Variants in LAMC3 observed in about 807,000 individuals in gnomAD.
The protein encoded by LAMC3 is laminin subunit gamma-3.
In LAMC3, 128 loss-of-function variants were observed where a neutral mutation model predicts 173.8. The observed-to-expected ratio is 0.74, with a 90% CI of 0.64 to 0.85. LAMC3 has a LOEUF of 0.85. Among genes scored for constraint, LAMC3 ranks in the 40% least tolerant of loss-of-function variants. The probability of loss-of-function intolerance (pLI) is 0.00; values close to 1 mark genes in which losing one functional copy is unlikely to be tolerated. For missense variants in LAMC3, 2,022 were observed against 2,156.0 expected (o/e 0.94, Z 1.23); for synonymous variants, 897 against 909.1 (o/e 0.99, Z 0.24).
chr9:131,032,623 T>A (rs1486743700), intron 3 of LAMC3, among the ~76,000 whole-genome samples: 4 of 146,116 alleles, frequency 2.7e-5, no homozygotes, highest in African/African-American at 8.0e-5. Context: ...TCTCTCTCTC[T>A]CACTCTCTCT....
intron 3 of LAMC3, among the ~76,000 whole-genome samples, chr9:131,034,397 T>G (rs1833903566): frequency 6.6e-6 from 1 of 152,224 alleles, no homozygotes; most frequent in African/African-American, 2.4e-5. Flanking sequence ...CCGTGCTACG[T>G]GCCCTACCAC....
chr9:131,082,216 C>T, intron 24 of LAMC3, 55 bp downstream of exon 24: 17 of 1,308,352 alleles, frequency 1.3e-5, no homozygotes, highest in Non-Finnish European at 1.7e-5. Flanking sequence ...CCCTGACAGC[C>T]ACTCACCTCT....
intron 9 of LAMC3, among the ~76,000 whole-genome samples, chr9:131,051,407 A>C (rs1588152082): frequency 7.6e-6 from 1 of 131,294 alleles, no homozygotes; most frequent in Non-Finnish European, 1.5e-5. Flanking sequence ...CTCTGTTGCC[A>C]AGGCTGGAGT....
At position 131,091,839 on chromosome 9, in the gene LAMC3, C is replaced by T. The variant is rs368612523; in HGVS notation, c.*52C>T. 2.6e-5 allele frequency: 42 copies of T among 1,602,100 alleles called. No homozygotes were observed. In the African/African-American group the frequency reaches 4.1e-4, roughly 16 times the overall value. On this transcript the variant is annotated 3_prime_UTR_variant, in exon 28 of 28. Coordinates refer to ENST00000361069, the MANE Select transcript of LAMC3 (RefSeq NM_006059.4). ...TCCCCCACCTGCTGTTTACATGACC[C>T]AGGGGGTGCACACTACCCCACAGGT...
chr9:131,029,975 C>T lies in LAMC3; in HGVS notation c.679-2070C>T, dbSNP rs996461402. On this transcript the variant is annotated intron_variant, in intron 2 of 27. Coordinates refer to ENST00000361069, the MANE Select transcript of LAMC3 (RefSeq NM_006059.4). This position sits in a 1 kb window ranked among gnomAD's most constrained non-coding sequence, Gnocchi z 4.6. ...TTTTTTTTTTTGAGACAGTTTCGCT[C>T]TGTCGCCCAGGCTGGAGTGCAGTGG... Among the ~76,000 whole-genome samples, 2 of 148,842 alleles carry T rather than the reference C, an allele frequency of 1.3e-5. No homozygotes were observed. The highest frequency in any genetic ancestry group is 3.0e-5 in the Non-Finnish European group (2 of 67,718).
rs1445052600 is a variant in LAMC3, at chr9:131,086,638, AGCACTTTGGGAGGCCAAG to A, written c.4231-834_4231-817del. On this transcript the variant is annotated intron_variant, in intron 25 of 27. Transcript: ENST00000361069. ...TGTGGTGGCTAACTCCTGTAATCCC[AGCACTTTGGGAGGCCAAG>A]GCAGGCAGATCACTTGAGGTCAGGA... 7.8e-5 allele frequency among the ~76,000 whole-genome samples: 11 copies of A among 141,004 alleles called. No individual in the cohort carries two copies. In the Admixed American group the frequency reaches 8.3e-4, roughly 11 times the overall value. The allele number at this position is 141,004 out of a possible 152,430, so 92.5% of individuals were successfully genotyped here.
At chr9:131,075,719 G>T in intron 20 of LAMC3, 112 bp from the exon 21 acceptor site, 1 of 1,218,838 alleles carries the variant, frequency 8.2e-7, no homozygotes. Context: ...TGTCTTTGTG[G>T]CTGTCCTCTG....
intron 12 of LAMC3, among the ~76,000 whole-genome samples, chr9:131,058,296 A>G (rs2133293457): frequency 6.6e-6 from 1 of 152,020 alleles, no homozygotes; most frequent in African/African-American, 2.4e-5. Flanking sequence ...TTATATTTTC[A>G]GTAGAGATGG....
chr9:131,053,701 C>A (rs907879483), intron 11 of LAMC3, among the ~76,000 whole-genome samples: 1 of 152,134 alleles, frequency 6.6e-6, no homozygotes, highest in Non-Finnish European at 1.5e-5. Flanking sequence ...GGCGTGGTGG[C>A]ACACACCTGT....
rs141064615 is a variant in LAMC3 at position 131,088,891 on chromosome 9, G to A, written c.4477+1074G>A. Among the ~76,000 whole-genome samples, 742 of 152,086 alleles carry A rather than the reference G, an allele frequency of 4.9e-3. 8 individuals are homozygous for A. Among genetic ancestry groups the A allele is most frequent in the African/African-American group, 0.017 (695 of 41,464 alleles). Reference sequence around the variant, plus strand: ...GAGGTCAGGAGTTTGAGACCAGCCTGACCAACATGGTGAAACCCTGTCCCT... The same window carrying A: ...GAGGTCAGGAGTTTGAGACCAGCCTAACCAACATGGTGAAACCCTGTCCCT... On this transcript the variant is annotated intron_variant, in intron 27 of 27. Transcript: ENST00000361069.
At position 131,085,579 on chromosome 9, in the gene LAMC3, A is replaced by C. The variant is rs770998248; in HGVS notation, c.4086A>C (p.Ala1362=). The C allele has an allele frequency of 1.2e-6, 2 of 1,614,140 alleles. No homozygotes were observed. Among genetic ancestry groups the C allele is most frequent in the Non-Finnish European group, 1.7e-6 (2 of 1,180,038 alleles). ...PKDQAALQRK[A]DSVSDRLLAD... Reference sequence around the variant, plus strand: ...ACCAGGCGGCATTGCAGAGGAAGGCAGACTCCGTCAGTGACAGACTCCTTG... The same window carrying C: ...ACCAGGCGGCATTGCAGAGGAAGGCCGACTCCGTCAGTGACAGACTCCTTG... The change falls in exon 25 of 28, where the codon GCA becomes GCC. Residue 1362 remains alanine (A), a synonymous_variant. Transcript: ENST00000361069.
At chr9:131,017,029 C>A (rs530475361) in intron 1 of LAMC3, among the ~76,000 whole-genome samples, 2 of 152,304 alleles carry the variant, frequency 1.3e-5, no homozygotes, top group South Asian at 4.1e-4. Flanking sequence ...TAACTCCCAA[C>A]CCCTTAAAAG....
intron 19 of LAMC3, 23 bp downstream of exon 19, chr9:131,072,858 C>T: frequency 1.9e-6 from 3 of 1,596,142 alleles, no homozygotes; most frequent in Non-Finnish European, 2.6e-6. Flanking sequence ...ACCCCCCTAC[C>T]CGAACACACC....
chr9:131,053,371 G>A (rs79616754), intron 11 of LAMC3, among the ~76,000 whole-genome samples: 2,277 of 152,218 alleles, frequency 0.015, 28 homozygotes, highest in Non-Finnish European at 0.025. Context: ...GGTCACTGGC[G>A]GTATTGTACC....
At chr9:131,055,414 CT>C (rs1161154544) in intron 11 of LAMC3, among the ~76,000 whole-genome samples, 1 of 124,310 alleles carries the variant, frequency 8.0e-6, no homozygotes, top group African/African-American at 3.1e-5. Flanking sequence ...ACTCTTTTTT[CT>C]TTTCTTTCTT....
intron 7 of LAMC3, among the ~76,000 whole-genome samples, chr9:131,043,581 G>A (rs1834095266): frequency 6.6e-6 from 1 of 152,180 alleles, no homozygotes; most frequent in Non-Finnish European, 1.5e-5. Flanking sequence ...GATAGTATTG[G>A]ATTATAACCC....
At chr9:131,034,138 G>A (rs1350720454) in intron 3 of LAMC3, among the ~76,000 whole-genome samples, 3 of 152,202 alleles carry the variant, frequency 2.0e-5, no homozygotes, top group Non-Finnish European at 2.9e-5. Flanking sequence ...ACAGCTGGCT[G>A]GGGCAGGCTG....
At chr9:131,010,712 G>A (rs994926821) in intron 1 of LAMC3, among the ~76,000 whole-genome samples, 14 of 152,232 alleles carry the variant, frequency 9.2e-5, no homozygotes, top group Admixed American at 1.3e-4. Context: ...AAGTTTCTTC[G>A]TGCTGCTGGG....
intron 12 of LAMC3, among the ~76,000 whole-genome samples, chr9:131,059,588 GTCT>G (rs1829768462): frequency 6.9e-6 from 1 of 145,940 alleles, no homozygotes; most frequent in Non-Finnish European, 1.5e-5. Flanking sequence ...AGGGCACTCT[GTCT>G]TCTTGTGTCC....
Sources: gnomAD v4.1 joint callset for allele counts (sites outside exome capture counted in the v4.1 genomes callset) on GRCh38, gnomAD v4.1.1 for gene constraint, Gnocchi (gnomAD v3.1) non-coding constraint, MANE v1.5 for transcripts, NCBI Gene and HGNC (gene_info 2026-07-23, HGNC 2026-07-21) for gene names.